GRM5: variants seen among roughly 807,000 people sequenced by gnomAD.
GRM5 encodes the protein metabotropic glutamate receptor 5.
A neutral mutation model predicts 83.1 loss-of-function variants in GRM5; 19 were observed. The ratio of observed to expected loss-of-function variants is 0.23; its 90% CI spans 0.16 to 0.34. The LOEUF is 0.34. Ranked by LOEUF, GRM5 falls within the 10% of genes least tolerant of loss-of-function variation. The probability of loss-of-function intolerance (pLI) is 1.00; values close to 1 mark genes in which losing one functional copy is unlikely to be tolerated. For missense variants in GRM5, 1,160 were observed against 1,588.3 expected (o/e 0.73, Z 4.58); for synonymous variants, 675 against 633.6 (o/e 1.07, Z -0.98).
At chr11:88,680,777 C>T (rs1019029007) in intron 3 of GRM5, among the ~76,000 whole-genome samples, 1 of 152,182 alleles carries the variant, frequency 6.6e-6, no homozygotes, top group Non-Finnish European at 1.5e-5. Context: ...TACATCCCAC[C>T]TTCTATTACA....
chr11:88,604,846 A>G lies in GRM5; in HGVS notation c.1266T>C (p.Tyr422=), dbSNP rs200738497. The G allele has an allele frequency of 2.3e-4, 376 of 1,614,070 alleles. 6 individuals carry two copies. In the South Asian group the frequency reaches 3.9e-3, roughly 17 times the overall value. ...GCTTCATGGCATCACAGAGTCCTGC[A>G]TAGCCTGGGCAGAGGGACATCTGCA... is the stretch of plus-strand genomic sequence containing the variant. ...HNMQMSLCPG[Y]AGLCDAMKPI... is the part of the protein sequence containing the mutation. Residue 422 remains tyrosine (Y), a synonymous_variant, in exon 5 of 10, where the codon TAT becomes TAC. Transcript: ENST00000305447.
intron 9 of GRM5, among the ~76,000 whole-genome samples, chr11:88,521,115 G>A (rs1284863023): frequency 1.3e-5 from 2 of 151,984 alleles, no homozygotes; most frequent in African/African-American, 4.8e-5. Flanking sequence ...TACATCATGA[G>A]CACATCAGAA....
chr11:88,684,723 G>A (rs1940577316), intron 3 of GRM5, among the ~76,000 whole-genome samples: 1 of 152,208 alleles, frequency 6.6e-6, no homozygotes, highest in East Asian at 1.9e-4. Context: ...TCATGGGGCA[G>A]TTCCCCCGAT....
intron 8 of GRM5, among the ~76,000 whole-genome samples, chr11:88,544,499 G>A (rs539579747): frequency 1.2e-4 from 19 of 152,206 alleles, no homozygotes; most frequent in African/African-American, 4.3e-4. Context: ...GTGTCTCCTT[G>A]AGTGAAACTC....
At chr11:88,765,028 A>T (rs555453709) in intron 3 of GRM5, among the ~76,000 whole-genome samples, 5 of 151,684 alleles carry the variant, frequency 3.3e-5, no homozygotes, top group African/African-American at 7.2e-5. Flanking sequence ...ACATGATGAA[A>T]AATTCTAGGG....
intron 1 of GRM5, among the ~76,000 whole-genome samples, chr11:89,051,969 C>A (rs1156979230): frequency 1.3e-5 from 2 of 152,090 alleles, no homozygotes; most frequent in African/African-American, 4.8e-5. Context: ...ACTGTATTTG[C>A]TGATAGACTA....
intron 4 of GRM5, among the ~76,000 whole-genome samples, chr11:88,639,289 C>T (rs942926942): frequency 4.6e-5 from 7 of 152,148 alleles, no homozygotes; most frequent in African/African-American, 9.7e-5. Context: ...TCTCTCTTCA[C>T]GCAGTTCTCT....
At chr11:88,577,798 A>G (rs1456235239) in intron 7 of GRM5, among the ~76,000 whole-genome samples, 1 of 152,002 alleles carries the variant, frequency 6.6e-6, no homozygotes, top group Non-Finnish European at 1.5e-5. Flanking sequence ...AGAGGAAAAA[A>G]CTCTACAGCA....
chr11:88,923,203 T>C (rs976050024), intron 2 of GRM5, among the ~76,000 whole-genome samples: 7 of 152,114 alleles, frequency 4.6e-5, no homozygotes, highest in African/African-American at 1.7e-4. Flanking sequence ...TACTGGTATG[T>C]ACCCAAAAGG....
intron 2 of GRM5, among the ~76,000 whole-genome samples, chr11:88,966,966 G>T (rs1938994602): frequency 6.6e-6 from 1 of 152,086 alleles, no homozygotes; most frequent in Non-Finnish European, 1.5e-5. Context: ...TTCAAAGCTA[G>T]CTGTGGCCAT....
At chr11:88,804,172 C>T (rs1337856197) in intron 3 of GRM5, among the ~76,000 whole-genome samples, 2 of 150,696 alleles carry the variant, frequency 1.3e-5, no homozygotes, top group African/African-American at 4.9e-5. Flanking sequence ...TTGACCCAGC[C>T]ATCCCATTAC....
chr11:88,910,088 C>T (rs1008329440), intron 2 of GRM5, among the ~76,000 whole-genome samples: 2 of 152,062 alleles, frequency 1.3e-5, no homozygotes, highest in African/African-American at 2.4e-5. Flanking sequence ...CCCACTTCCC[C>T]AGTCCCTGGT....
chr11:88,816,746 C>CAAAAAAAAAAA (rs34178436), intron 3 of GRM5, among the ~76,000 whole-genome samples: 2 of 122,426 alleles, frequency 1.6e-5, no homozygotes, highest in Admixed American at 8.2e-5. Flanking sequence ...CAGATTGGTC[C>CAAAAAAAAAAA]AAAAAAAAAA....
chr11:88,662,357 A>G (rs1939929874), intron 3 of GRM5, among the ~76,000 whole-genome samples: 1 of 152,182 alleles, frequency 6.6e-6, no homozygotes. Flanking sequence ...TACAGTAATG[A>G]CAGCAGAGAA....
At chr11:88,880,377 A>G (rs1189228917) in intron 2 of GRM5, among the ~76,000 whole-genome samples, 3 of 152,170 alleles carry the variant, frequency 2.0e-5, no homozygotes, top group Admixed American at 6.6e-5. Context: ...TACATTTTGT[A>G]TATTTCTCTA....
intron 2 of GRM5, among the ~76,000 whole-genome samples, chr11:88,943,255 A>T (rs1938170702): frequency 6.6e-6 from 1 of 152,054 alleles, no homozygotes; most frequent in Non-Finnish European, 1.5e-5. Context: ...ATCAAACATA[A>T]CTTTCATTTG....
intron 2 of GRM5, among the ~76,000 whole-genome samples, chr11:89,006,798 G>T (rs1349102659): frequency 6.6e-6 from 1 of 151,718 alleles, no homozygotes; most frequent in Non-Finnish European, 1.5e-5. Flanking sequence ...GTTTTGTTTT[G>T]CTTTGTTTTG....
intron 2 of GRM5, among the ~76,000 whole-genome samples, chr11:89,025,896 A>G (rs1302029265): frequency 6.6e-6 from 1 of 152,226 alleles, no homozygotes; most frequent in African/African-American, 2.4e-5. Flanking sequence ...TGTTCCTCAC[A>G]GCACTATTCA....
intron 2 of GRM5, among the ~76,000 whole-genome samples, chr11:88,958,810 C>G (rs1003200487): frequency 2.6e-5 from 4 of 151,986 alleles, no homozygotes; most frequent in African/African-American, 9.7e-5. Context: ...CTTAAATAAC[C>G]TATTACATGT....
Sources: allele counts gnomAD v4.1 joint callset (sites outside exome capture counted in the v4.1 genomes callset), GRCh38; gene constraint gnomAD v4.1.1; transcripts MANE v1.5; gene names NCBI Gene and HGNC (gene_info 2026-07-23, HGNC 2026-07-21).